The following RAD51C variants were observed in gnomAD, a reference collection of about 807,000 sequenced individuals.
RAD51C encodes DNA repair protein RAD51 homolog 3.
A neutral mutation model predicts 45.0 loss-of-function variants in RAD51C; 42 were observed. The observed-to-expected ratio is 0.93, with a 90% CI of 0.73 to 1.21. The LOEUF (loss-of-function observed/expected upper bound fraction) is 1.21, where lower values mean the gene tolerates loss of function less well. Ranked by LOEUF, RAD51C falls within the 50% of genes most tolerant of loss-of-function variation. The probability of loss-of-function intolerance (pLI) is 0.00; values close to 1 mark genes in which losing one functional copy is unlikely to be tolerated. For missense variants in RAD51C, 474 were observed against 452.2 expected, an observed-to-expected ratio of 1.05 and a Z score of -0.44; for synonymous variants, 172 against 159.8, an observed-to-expected ratio of 1.08 and a Z score of -0.58.
At chr17:58,719,020 C>T (rs1163627157) in intron 5 of RAD51C, among the ~76,000 whole-genome samples, 1 of 151,972 alleles carries the variant, frequency 6.6e-6, no homozygotes, top group Non-Finnish European at 1.5e-5. Context: ...GTCAGGAGTT[C>T]GAGACCAGGC....
rs1459372290 is a variant in RAD51C, at chr17:58,735,485, C to T, written c.*1263C>T. 2 of 152,144 alleles carry T rather than the reference C, an allele frequency of 1.3e-5. No homozygotes were observed. The highest frequency in any genetic ancestry group is 2.9e-5 in the Non-Finnish European group (2 of 68,054). The allele number at this position is 152,144 out of a possible 1,614,324, so 9.4% of individuals were successfully genotyped here. ...GTGCTGGGATTACAGATGTGAGCCA[C>T]CACACCTGGCCTCATTTCTATATTT... On this transcript the variant is annotated 3_prime_UTR_variant, in exon 9 of 9. Transcript: ENST00000337432.
At chr17:58,726,007 A>AG (rs2049106581) in intron 7 of RAD51C, among the ~76,000 whole-genome samples, 1 of 151,512 alleles carries the variant, frequency 6.6e-6, no homozygotes, top group African/African-American at 2.4e-5. Context: ...GCAAAAAAAA[A>AG]AAAAAAAAAC....
intron 4 of RAD51C, among the ~76,000 whole-genome samples, chr17:58,707,364 CA>C (rs1217558162): frequency 6.6e-6 from 1 of 151,932 alleles, no homozygotes; most frequent in Non-Finnish European, 1.5e-5. Context: ...ACTAAAAATA[CA>C]AAAAAATTAG....
chr17:58,695,693 G>A (rs1285561038), intron 2 of RAD51C, among the ~76,000 whole-genome samples: 1 of 152,076 alleles, frequency 6.6e-6, no homozygotes, highest in Admixed American at 6.6e-5. Flanking sequence ...GCTGAGGCAG[G>A]AGGATAGCTT....
intron 4 of RAD51C, among the ~76,000 whole-genome samples, chr17:58,704,991 T>C (rs1342751401): frequency 1.3e-5 from 2 of 151,514 alleles, no homozygotes; most frequent in African/African-American, 4.8e-5. Flanking sequence ...ATTAGCCTGG[T>C]GTGTTGGCAT....
chr17:58,696,942 C>A (rs2048038959), intron 3 of RAD51C, 83 bp downstream of exon 3: 1 of 1,471,858 alleles, frequency 6.8e-7, no homozygotes, highest in Non-Finnish European at 9.5e-7. Flanking sequence ...CAGCAACACT[C>A]CATTTGGAAT....
At chr17:58,693,679 A>G (rs1474216610) in intron 1 of RAD51C, 1 of 152,196 alleles carries the variant, frequency 6.6e-6, no homozygotes, top group Non-Finnish European at 1.5e-5. Context: ...ATGATCACTA[A>G]CAACTATTGA....
chr17:58,699,852 C>A (rs1598466787), intron 3 of RAD51C: 2 of 152,114 alleles, frequency 1.3e-5, no homozygotes, highest in East Asian at 3.9e-4. Flanking sequence ...ACGATAAGCT[C>A]AAATCTTTTT....
At chr17:58,718,530 T>C (rs909578891) in intron 5 of RAD51C, among the ~76,000 whole-genome samples, 1 of 152,214 alleles carries the variant, frequency 6.6e-6, no homozygotes, top group Admixed American at 6.5e-5. Context: ...TTGTTTTCCC[T>C]GCTTTATTTA....
chr17:58,731,265 T>TG (rs1040948513), intron 7 of RAD51C, among the ~76,000 whole-genome samples: 3 of 151,886 alleles, frequency 2.0e-5, no homozygotes, highest in East Asian at 1.9e-4. Flanking sequence ...GCAGTTTTTT[T>TG]TTTTTTTTTT....
At chr17:58,719,789 C>T (rs552788458) in intron 5 of RAD51C, among the ~76,000 whole-genome samples, 289 of 145,190 alleles carry the variant, frequency 2.0e-3, no homozygotes, top group Non-Finnish European at 1.8e-3. Context: ...AGTGCAGTAG[C>T]GCTATCTCAG....
chr17:58,698,581 G>C (rs913145896), intron 3 of RAD51C, among the ~76,000 whole-genome samples: 1 of 150,900 alleles, frequency 6.6e-6, no homozygotes, highest in Non-Finnish European at 1.5e-5. Flanking sequence ...TGCCCACCTC[G>C]GCCTCCCAAA....
Position 58,698,178 on chromosome 17 carries a change from A to AT in RAD51C, c.571+1341dup, listed in dbSNP as rs34731311. Among the ~76,000 whole-genome samples, 732 of 116,132 alleles carry AT rather than the reference A, an allele frequency of 6.3e-3. 5 individuals carry two copies. Among genetic ancestry groups the AT allele is most frequent in the East Asian group, 0.029 (116 of 4,008 alleles). The allele number at this position is 116,132 out of a possible 152,430, so 76.2% of individuals were successfully genotyped here. On this transcript the variant is annotated intron_variant, in intron 3 of 8. Transcript: ENST00000337432. ...AGGCATGTGTTACCATGCCCAGCTA[A>AT]TTTTTTTTTTTTTTTTTTTTTTGAG...
At position 58,702,488 on chromosome 17, in the gene RAD51C, T is replaced by C. The variant is rs192475016; in HGVS notation, c.572-708T>C. Among the ~76,000 whole-genome samples, 3 of 149,852 alleles carry C rather than the reference T, an allele frequency of 2.0e-5. No individual in the cohort carries two copies. In the East Asian group the frequency reaches 5.9e-4, roughly 30 times the overall value. On this transcript the variant is annotated intron_variant, in intron 3 of 8. Coordinates refer to ENST00000337432, the MANE Select transcript of RAD51C (RefSeq NM_058216.3). ...TGAGCAGATCACTTGAGGTCAGGAG[T>C]TCAAGACCGGCCTGGCCAACAAGGT...
intron 5 of RAD51C, among the ~76,000 whole-genome samples, chr17:58,713,088 T>A (rs1431944081): frequency 6.6e-6 from 1 of 152,168 alleles, no homozygotes; most frequent in African/African-American, 2.4e-5. Context: ...ATCGCACCAC[T>A]GCACTCCAGC....
chr17:58,715,630 G>A (rs1321976851), intron 5 of RAD51C, among the ~76,000 whole-genome samples: 1 of 151,944 alleles, frequency 6.6e-6, no homozygotes, highest in African/African-American at 2.4e-5. Context: ...CTTTCACTTA[G>A]CGTGATGTTT....
At chr17:58,731,465 G>A (rs2049420142) in intron 7 of RAD51C, among the ~76,000 whole-genome samples, 1 of 152,062 alleles carries the variant, frequency 6.6e-6, no homozygotes, top group African/African-American at 2.4e-5. Context: ...CTCCATGTTG[G>A]TCAGGCTGGT....
chr17:58,731,590 T>A (rs552124234), intron 7 of RAD51C, among the ~76,000 whole-genome samples: 1 of 152,306 alleles, frequency 6.6e-6, no homozygotes, highest in African/African-American at 2.4e-5. Context: ...TTGTTTATAT[T>A]TGTTGCTGTT....
At chr17:58,701,659 C>A (rs1250149511) in intron 3 of RAD51C, among the ~76,000 whole-genome samples, 1 of 151,252 alleles carries the variant, frequency 6.6e-6, no homozygotes, top group Non-Finnish European at 1.5e-5. Context: ...CAACCTCCGT[C>A]TCCCGGGTTC....
Sources: allele counts gnomAD v4.1 joint callset (sites outside exome capture counted in the v4.1 genomes callset), GRCh38; gene constraint gnomAD v4.1.1; transcripts MANE v1.5; gene names NCBI Gene and HGNC (gene_info 2026-07-23, HGNC 2026-07-21).